Variants in LTBP2 observed in about 807,000 individuals in gnomAD.
The protein encoded by LTBP2 is latent transforming growth factor beta binding protein 2.
In LTBP2, 103 loss-of-function variants were observed where a neutral mutation model predicts 210.6. The observed-to-expected ratio is 0.49, with a 90% CI of 0.42 to 0.58. LTBP2 has a LOEUF of 0.58. Ranked by LOEUF, LTBP2 falls within the 20% of genes least tolerant of loss-of-function variation. The pLI is 0.00. For missense variants in LTBP2, 2,313 were observed against 2,494.5 expected, an observed-to-expected ratio of 0.93 and a Z score of 1.55; for synonymous variants, 1,007 against 1,015.0, an observed-to-expected ratio of 0.99 and a Z score of 0.15.
At chr14:74,501,765 G>T in intron 34 of LTBP2, 175 bp from the exon 35 acceptor site, 1 of 715,936 alleles carries the variant, frequency 1.4e-6, no homozygotes, top group Non-Finnish European at 2.3e-6. Context: ...CAGTACTCTT[G>T]AAAAAAAAAG....
intron 26 of LTBP2, 100 bp downstream of exon 26, chr14:74,507,078 TG>T (rs1249723124): frequency 6.3e-6 from 10 of 1,598,156 alleles, no homozygotes; most frequent in Non-Finnish European, 7.7e-6. Flanking sequence ...TACAATCAGC[TG>T]CAAAAAATCG....
intron 35 of LTBP2, among the ~76,000 whole-genome samples, 185 bp from the exon 36 acceptor site, chr14:74,501,214 C>T (rs1223185898): frequency 1.3e-5 from 2 of 152,224 alleles, no homozygotes; most frequent in Non-Finnish European, 2.9e-5. Context: ...CAAGCTCATA[C>T]CATGCCCAAG....
chr14:74,595,274 C>T (rs2088343358), intron 2 of LTBP2, among the ~76,000 whole-genome samples: 1 of 152,164 alleles, frequency 6.6e-6, no homozygotes, highest in South Asian at 2.1e-4. Context: ...GCTGGGGAGC[C>T]GCGGGGCCAG....
intron 8 of LTBP2, among the ~76,000 whole-genome samples, chr14:74,547,120 C>A (rs903685781): frequency 2.6e-5 from 4 of 152,222 alleles, no homozygotes; most frequent in African/African-American, 9.7e-5. Context: ...CTCCCACTGT[C>A]CCCTCCAATC....
chr14:74,503,184 C>T (rs1371235527), intron 33 of LTBP2, 35 bp downstream of exon 33: 1 of 1,611,194 alleles, frequency 6.2e-7, no homozygotes, highest in Non-Finnish European at 8.5e-7. Flanking sequence ...GGGCCTGGCC[C>T]AGCCCTGCAG....
chr14:74,563,736 G>A (rs1445935527), intron 3 of LTBP2, among the ~76,000 whole-genome samples: 1 of 151,896 alleles, frequency 6.6e-6, no homozygotes, highest in Non-Finnish European at 1.5e-5. Flanking sequence ...ATCTGTGACT[G>A]GTTTTGCTCT....
At position 74,508,685 on chromosome 14, in the gene LTBP2, C is replaced by T. The variant is rs137854862; in HGVS notation, c.3571G>A (p.Glu1191Lys). ...AAAGACCCGTGGCTGTTGAGGCACT[C>T]GCCGTGGGGTGCGCAGTGCTCCTCC... The part of the protein sequence containing the change: ...MGEEHCAPHG[E>K]CLNSHGSFFC... The change falls in exon 24 of 36, where the codon GAG becomes AAG. Residue 1191 changes from glutamate (E) to lysine (K), a missense_variant. Around this residue, in one of 3 missense-constraint regions of LTBP2, gnomAD observed 1,867 missense variants for 1,976.9 expected, o/e 0.94. Coordinates refer to ENST00000261978, the MANE Select transcript of LTBP2 (RefSeq NM_000428.3). The T allele has an allele frequency of 1.9e-5, 31 of 1,613,674 alleles. No homozygotes were observed. Among genetic ancestry groups the T allele is most frequent in the Non-Finnish European group, 2.4e-5 (28 of 1,179,982 alleles).
intron 8 of LTBP2, among the ~76,000 whole-genome samples, chr14:74,536,422 C>A (rs529496008): frequency 6.6e-6 from 1 of 152,318 alleles, no homozygotes; most frequent in East Asian, 1.9e-4. Context: ...TGGTTAATAA[C>A]AGTGTCTTGT....
At chr14:74,509,882 G>C in intron 20 of LTBP2, 23 bp from the exon 21 acceptor site, 3 of 1,614,014 alleles carry the variant, frequency 1.9e-6, no homozygotes, top group Non-Finnish European at 2.5e-6. Flanking sequence ...ATTGCATTCT[G>C]TGTGGGACTC....
At chr14:74,567,041 C>G (rs2087912093) in intron 3 of LTBP2, among the ~76,000 whole-genome samples, 1 of 152,202 alleles carries the variant, frequency 6.6e-6, no homozygotes, top group Admixed American at 6.5e-5. Context: ...CAGACCACAC[C>G]CTGCCCTGCT....
chr14:74,576,855 A>G (rs2088064984), intron 3 of LTBP2, among the ~76,000 whole-genome samples: 1 of 152,196 alleles, frequency 6.6e-6, no homozygotes, highest in African/African-American at 2.4e-5. Flanking sequence ...CAGTGTCAGG[A>G]CAGCTAAAAA....
At position 74,503,523 on chromosome 14, in the gene LTBP2, G is replaced by A. The variant is rs777899388; in HGVS notation, c.4666C>T (p.Pro1556Ser). 1.9e-6 allele frequency: 3 copies of A among 1,613,352 alleles called. No homozygotes were observed. The highest frequency in any genetic ancestry group is 2.2e-5 in the East Asian group (1 of 44,874). ...EGSFHCFCSP[P>S]LTLDLSQQRC... ...TGCTGGCTGAGGTCCAGGGTGAGCG[G>A]GGGGCTGCAGAAGCAGTGGAAGGAG... The change falls in exon 32 of 36, where the codon CCG becomes TCG. Residue 1556 changes from proline (P) to serine (S), a missense_variant. By Grantham distance (74) the Pro-to-Ser change is moderately conservative. This residue lies in a region of LTBP2 where 443 missense variants were observed against 501.4 expected (regional missense o/e 0.88). Coordinates refer to ENST00000261978, the MANE Select transcript of LTBP2 (RefSeq NM_000428.3).
At chr14:74,526,020 G>C in intron 14 of LTBP2, 55 bp downstream of exon 14, 1 of 1,539,104 alleles carries the variant, frequency 6.5e-7, no homozygotes. Flanking sequence ...TCCTGATTAA[G>C]GGCTCTTTCC....
chr14:74,535,775 C>T lies in LTBP2; in HGVS notation c.1864+151G>A, dbSNP rs570256725. ...GCAAGTCCCTGGATTTCCTTAGTCC[C>T]CTGGAATCAGCAGCCCCCCACCACT... On this transcript the variant is annotated intron_variant, in intron 9 of 35. Transcript: ENST00000261978. 116 of 737,206 alleles carry T rather than the reference C, an allele frequency of 1.6e-4. No homozygotes were observed. The East Asian group carries it at 3.0e-3, about 19-fold the overall frequency. The allele number at this position is 737,206 out of a possible 1,614,324, so 45.7% of individuals were successfully genotyped here.
At chr14:74,511,219 T>C (rs1301912419) in intron 19 of LTBP2, 26 bp downstream of exon 19, 7 of 1,613,480 alleles carry the variant, frequency 4.3e-6, no homozygotes, top group South Asian at 1.1e-5. Context: ...AATGGCTGGC[T>C]CAGTGCCTTG....
intron 3 of LTBP2, among the ~76,000 whole-genome samples, chr14:74,557,633 T>C (rs940449308): frequency 6.6e-6 from 1 of 152,214 alleles, no homozygotes; most frequent in Non-Finnish European, 1.5e-5. Flanking sequence ...TTTGGACACA[T>C]TCTCTTGATG....
chr14:74,568,377 G>A (rs886858113), intron 3 of LTBP2, among the ~76,000 whole-genome samples: 5 of 152,098 alleles, frequency 3.3e-5, no homozygotes, highest in East Asian at 1.9e-4. Context: ...ATGTTCCAGC[G>A]CGGCCGTGGG....
At chr14:74,549,842 A>T in intron 8 of LTBP2, 21 bp downstream of exon 8, 1 of 1,599,810 alleles carries the variant, frequency 6.3e-7, no homozygotes, top group Non-Finnish European at 8.6e-7. Flanking sequence ...ACAACACGTG[A>T]CCTTGGACTC....
chr14:74,589,008 G>T (rs1432261996), intron 2 of LTBP2, among the ~76,000 whole-genome samples: 1 of 152,162 alleles, frequency 6.6e-6, no homozygotes, highest in Non-Finnish European at 1.5e-5. Context: ...GGGATCTGTT[G>T]GCTTCAAGTC....
Sources: gnomAD v4.1 joint callset for allele counts (sites outside exome capture counted in the v4.1 genomes callset) on GRCh38, gnomAD v4.1.1 for gene constraint, gnomAD v4.1.1 regional missense constraint, MANE v1.5 for transcripts, NCBI Gene and HGNC (gene_info 2026-07-23, HGNC 2026-07-21) for gene names.